Variants in SEMA5B observed in about 807,000 individuals in gnomAD.
SEMA5B encodes semaphorin 5B.
A neutral mutation model predicts 135.0 loss-of-function variants in SEMA5B; 66 were observed. The observed-to-expected ratio is 0.49, with a 90% CI of 0.40 to 0.60. The LOEUF is 0.60. Among genes scored for constraint, SEMA5B ranks in the 20% least tolerant of loss-of-function variants. The pLI is 0.00. For missense variants in SEMA5B, 1,501 were observed against 1,566.3 expected (o/e 0.96, Z 0.70); for synonymous variants, 690 against 639.5 (o/e 1.08, Z -1.19).
intron 5 of SEMA5B, among the ~76,000 whole-genome samples, chr3:122,935,470 G>A (rs935889671): frequency 1.3e-5 from 2 of 152,120 alleles, no homozygotes; most frequent in Non-Finnish European, 2.9e-5. Context: ...ATGGAAGAAA[G>A]GATTGCTGTT....
chr3:123,010,959 G>A lies in SEMA5B; in HGVS notation c.-39+16505C>T, dbSNP rs1354348321. 2.0e-5 allele frequency among the ~76,000 whole-genome samples: 3 copies of A among 152,246 alleles called. No homozygotes were observed. In the South Asian group the frequency reaches 6.2e-4, roughly 32 times the overall value. On this transcript the variant is annotated intron_variant, in intron 1 of 22. Transcript: ENST00000357599. ...GCTGAACATGTGGGCTGACAGCCACGGGCTCTCTCACTGAGGCCAGGACAT... is the reference window on the plus strand; with the variant it reads ...GCTGAACATGTGGGCTGACAGCCACAGGCTCTCTCACTGAGGCCAGGACAT...
chr3:123,027,115 T>C, intron 1 of SEMA5B: 1 of 154,068 alleles, frequency 6.5e-6, no homozygotes, highest in Non-Finnish European at 1.4e-5. Flanking sequence ...CCTCCGTCCC[T>C]CAGCCTCACT....
chr3:122,991,246 C>T (rs887469111), intron 1 of SEMA5B, among the ~76,000 whole-genome samples: 1 of 152,204 alleles, frequency 6.6e-6, no homozygotes, highest in Non-Finnish European at 1.5e-5. Flanking sequence ...CAAGATCACA[C>T]ACAGAGCACA....
chr3:122,991,854 T>C (rs956104984), intron 1 of SEMA5B, among the ~76,000 whole-genome samples: 3 of 152,090 alleles, frequency 2.0e-5, no homozygotes, highest in African/African-American at 7.2e-5. Flanking sequence ...CTTAGGGAGA[T>C]ATAAGCAAAG....
At chr3:122,960,374 G>C (rs567076811) in intron 2 of SEMA5B, among the ~76,000 whole-genome samples, 1 of 152,262 alleles carries the variant, frequency 6.6e-6, no homozygotes, top group South Asian at 2.1e-4. Flanking sequence ...TGAGTTGGTG[G>C]GAATGTAAAA....
intron 1 of SEMA5B, among the ~76,000 whole-genome samples, chr3:122,990,375 G>T (rs919099293): frequency 2.0e-4 from 31 of 152,094 alleles, no homozygotes; most frequent in African/African-American, 6.5e-4. Context: ...CAAATGCTTG[G>T]CCATGTTGAG....
chr3:122,997,795 C>T (rs1942059792), intron 1 of SEMA5B, among the ~76,000 whole-genome samples: 2 of 152,078 alleles, frequency 1.3e-5, no homozygotes, highest in South Asian at 4.1e-4. Flanking sequence ...GAGGGAAGCT[C>T]ATCGGCCTGA....
At chr3:122,926,293 G>T (rs1300331392) in intron 9 of SEMA5B, 99 bp downstream of exon 9, 14 of 1,170,460 alleles carry the variant, frequency 1.2e-5, no homozygotes, top group Admixed American at 4.7e-5. Flanking sequence ...CCGGCAGGAG[G>T]CACGGCAGTC....
intron 4 of SEMA5B, among the ~76,000 whole-genome samples, chr3:122,941,258 C>A (rs1232008304): frequency 6.6e-6 from 1 of 152,168 alleles, no homozygotes; most frequent in African/African-American, 2.4e-5. Context: ...CCTAAGGGAC[C>A]AGGTCTAGAA....
At chr3:122,977,683 A>C (rs1361216336) in intron 1 of SEMA5B, among the ~76,000 whole-genome samples, 1 of 152,200 alleles carries the variant, frequency 6.6e-6, no homozygotes, top group Non-Finnish European at 1.5e-5. Flanking sequence ...ACAGTGGCCC[A>C]CCCAAATTAA....
chr3:122,937,201 A>C (rs1939337414), intron 5 of SEMA5B, among the ~76,000 whole-genome samples: 1 of 152,220 alleles, frequency 6.6e-6, no homozygotes, highest in South Asian at 2.1e-4. Flanking sequence ...GATCATTTTC[A>C]GCACTTGGTT....
At chr3:122,965,292 C>T (rs989618092) in intron 1 of SEMA5B, among the ~76,000 whole-genome samples, 1 of 152,218 alleles carries the variant, frequency 6.6e-6, no homozygotes, top group African/African-American at 2.4e-5. Context: ...CCACATTGCA[C>T]AGAGTGGCAA....
chr3:122,966,363 A>G (rs1940817934), intron 1 of SEMA5B, among the ~76,000 whole-genome samples: 1 of 151,968 alleles, frequency 6.6e-6, no homozygotes, highest in African/African-American at 2.4e-5. Context: ...TTGCTCAGAG[A>G]AGAGCCCCTC....
intron 20 of SEMA5B, 76 bp from the exon 21 acceptor site, chr3:122,911,611 T>TCTA: frequency 6.9e-7 from 1 of 1,451,988 alleles, no homozygotes; most frequent in Non-Finnish European, 9.4e-7. Context: ...GGCGTAAGCC[T>TCTA]GGGAGGACCT....
intron 1 of SEMA5B, among the ~76,000 whole-genome samples, chr3:122,999,165 C>T (rs1243888210): frequency 1.3e-5 from 2 of 152,142 alleles, no homozygotes; most frequent in Admixed American, 1.3e-4. Context: ...TTTCCCAAAG[C>T]AGTAATTTAG....
intron 21 of SEMA5B, 138 bp from the exon 22 acceptor site, chr3:122,911,183 A>C: frequency 2.0e-6 from 2 of 1,021,864 alleles, no homozygotes; most frequent in Non-Finnish European, 2.8e-6. Flanking sequence ...AGCCAAAGGA[A>C]ACAGGGAGGC....
At chr3:123,017,580 G>A (rs1942590928) in intron 1 of SEMA5B, among the ~76,000 whole-genome samples, 1 of 152,176 alleles carries the variant, frequency 6.6e-6, no homozygotes, top group Admixed American at 6.5e-5. Context: ...GTCTCCAACT[G>A]TAGCATGCAA....
chr3:123,023,471 C>T (rs748341866), intron 1 of SEMA5B, among the ~76,000 whole-genome samples: 1 of 152,178 alleles, frequency 6.6e-6, no homozygotes, highest in Non-Finnish European at 1.5e-5. Flanking sequence ...AGCACTTGTG[C>T]ATCCCCAGAG....
In SEMA5B at chr3:122,943,509, T is replaced by A. The variant is rs772603757; in HGVS notation, c.355A>T (p.Thr119Ser). Residue 119 changes from threonine to serine, a missense_variant, in exon 4 of 23, where the codon ACC (threonine) becomes TCC (serine). Physicochemically the swap from Thr to Ser is moderately conservative, Grantham distance 58. This residue lies in a region of SEMA5B where 574 missense variants were observed against 684.7 expected (regional missense o/e 0.84). Transcript: ENST00000357599. ...EDLQPWVSNF[T>S]YPGARDFSQL... The stretch of plus-strand genomic sequence containing the variant: ...GAGAAATCCCGGGCTCCAGGGTAGG[T>A]GAAGTTAGAGACCCACGGCTGCAGG... 6.2e-7 allele frequency: 1 copy of A among 1,608,576 alleles called. No individual in the cohort carries two copies. The highest frequency in any genetic ancestry group is 1.7e-5 in the Admixed American group (1 of 59,340).
Sources: allele counts gnomAD v4.1 joint callset (sites outside exome capture counted in the v4.1 genomes callset), GRCh38; gene constraint gnomAD v4.1.1; regional missense constraint gnomAD v4.1.1; transcripts MANE v1.5; gene names NCBI Gene and HGNC (gene_info 2026-07-23, HGNC 2026-07-21).